AFG2A: variants seen among roughly 807,000 people sequenced by gnomAD.
The protein encoded by AFG2A is ATPase family gene 2 protein homolog A.
chr4:122,944,138 A>G, the AFG2A span, among the ~76,000 whole-genome samples: 1 of 152,138 alleles, frequency 6.6e-6, no homozygotes, highest in Non-Finnish European at 1.5e-5. Context: ...CTCGAGGAGT[A>G]TCTTTGTGGC....
the AFG2A span, among the ~76,000 whole-genome samples, chr4:123,049,788 C>CT: frequency 3.3e-5 from 5 of 151,478 alleles, no homozygotes; most frequent in Admixed American, 6.6e-5. Flanking sequence ...ATTTGTTGAT[C>CT]TTTTATTTTT....
the AFG2A span, among the ~76,000 whole-genome samples, chr4:122,984,912 T>G: frequency 1.3e-5 from 2 of 152,116 alleles, no homozygotes; most frequent in Non-Finnish European, 2.9e-5. Flanking sequence ...GGTCTGTAGT[T>G]TTCTTTTTTT....
At chr4:123,279,095 T>G in the AFG2A span, among the ~76,000 whole-genome samples, 1 of 152,180 alleles carries the variant, frequency 6.6e-6, no homozygotes, top group African/African-American at 2.4e-5. Context: ...TACTGTGAGT[T>G]TGCTTCATCT....
At chr4:122,940,795 G>C in the AFG2A span, among the ~76,000 whole-genome samples, 1 of 151,178 alleles carries the variant, frequency 6.6e-6, no homozygotes. Context: ...AATCCATCTT[G>C]AATTAATTTT....
At chr4:123,207,316 G>A in the AFG2A span, among the ~76,000 whole-genome samples, 1,231 of 122,264 alleles carry the variant, frequency 0.01, 23 homozygotes, top group African/African-American at 0.034. Flanking sequence ...TGTGAGACAC[G>A]GTCTAGCTCT....
At chr4:123,041,230 C>G in the AFG2A span, among the ~76,000 whole-genome samples, 1 of 151,286 alleles carries the variant, frequency 6.6e-6, no homozygotes, top group South Asian at 2.1e-4. Context: ...TCTGCCTCAG[C>G]TTCCCAAGTA....
chr4:123,045,447 G>GTGT, the AFG2A span, among the ~76,000 whole-genome samples: 2 of 152,168 alleles, frequency 1.3e-5, no homozygotes, highest in East Asian at 3.8e-4. Flanking sequence ...CCAGAATCAT[G>GTGT]TGTTGCATTT....
the AFG2A span, among the ~76,000 whole-genome samples, chr4:123,253,592 G>T: frequency 6.6e-6 from 1 of 152,136 alleles, no homozygotes; most frequent in Admixed American, 6.5e-5. Flanking sequence ...GGAGATTGCA[G>T]TGAGCCAAGA....
chr4:123,156,058 CG>C, the AFG2A span, among the ~76,000 whole-genome samples: 1 of 152,032 alleles, frequency 6.6e-6, no homozygotes, highest in Non-Finnish European at 1.5e-5. Flanking sequence ...CTTTTACTTA[CG>C]GTAGAAGGCA....
the AFG2A span, chr4:123,256,610 A>G: frequency 1.3e-5 from 10 of 778,286 alleles, no homozygotes; most frequent in South Asian, 4.7e-4. Context: ...TATCATGAGT[A>G]TAAAGGGCAA....
At chr4:123,248,013 G>A in the AFG2A span, among the ~76,000 whole-genome samples, 1 of 151,868 alleles carries the variant, frequency 6.6e-6, no homozygotes, top group Non-Finnish European at 1.5e-5. Flanking sequence ...ACTTTTTAGT[G>A]TTCTTAAAGG....
the AFG2A span, among the ~76,000 whole-genome samples, chr4:122,995,997 A>T: frequency 5.3e-5 from 8 of 152,196 alleles, no homozygotes; most frequent in African/African-American, 1.7e-4. Flanking sequence ...CCTTTAGTTC[A>T]TTGGTCCCAT....
the AFG2A span, among the ~76,000 whole-genome samples, chr4:123,091,807 A>C: frequency 1.3e-5 from 2 of 152,142 alleles, no homozygotes; most frequent in African/African-American, 2.4e-5. Context: ...TTTTATAAGG[A>C]TTTAAGTTGA....
At chr4:123,197,956 A>G in the AFG2A span, among the ~76,000 whole-genome samples, 1 of 151,914 alleles carries the variant, frequency 6.6e-6, no homozygotes, top group South Asian at 2.1e-4. Context: ...GAAGCCTCTA[A>G]CATCATGGTG....
chr4:123,302,866 G>A, the AFG2A span, among the ~76,000 whole-genome samples: 3 of 152,216 alleles, frequency 2.0e-5, no homozygotes, highest in Non-Finnish European at 4.4e-5. Flanking sequence ...CATTTGCACT[G>A]AACCTTGAAG....
chr4:123,259,470 G>A, the AFG2A span, among the ~76,000 whole-genome samples: 8 of 152,162 alleles, frequency 5.3e-5, no homozygotes, highest in Non-Finnish European at 7.4e-5. Context: ...GCGTCTTTTA[G>A]CCATCTCTGC....
the AFG2A span, among the ~76,000 whole-genome samples, chr4:122,941,500 C>T: frequency 2.0e-4 from 30 of 152,384 alleles, no homozygotes; most frequent in African/African-American, 7.2e-4. Flanking sequence ...TGGGACTTTG[C>T]TGAAGTTGCT....
chr4:123,151,807 C>T, the AFG2A span, among the ~76,000 whole-genome samples: 1 of 152,086 alleles, frequency 6.6e-6, no homozygotes, highest in Non-Finnish European at 1.5e-5. Flanking sequence ...ATGAATCATT[C>T]TATAAAGACA....
At chr4:123,084,628 AGAGAG>A in the AFG2A span, among the ~76,000 whole-genome samples, 1 of 151,152 alleles carries the variant, frequency 6.6e-6, no homozygotes, top group Non-Finnish European at 1.5e-5. Context: ...ATATATATAA[AGAGAG>A]AGAGACAGAG....
Sources: gnomAD v4.1 joint callset for allele counts (sites outside exome capture counted in the v4.1 genomes callset) on GRCh38, gnomAD v4.1.1 for gene constraint, MANE v1.5 for transcripts, NCBI Gene and HGNC (gene_info 2026-07-23, HGNC 2026-07-21) for gene names.